Variants in LYRM4 observed in about 807,000 individuals in gnomAD.
The protein encoded by LYRM4 is LYR motif containing 4, also known as LYR motif-containing protein 4.
A neutral mutation model predicts 11.7 loss-of-function variants in LYRM4; 9 were observed. The ratio of observed to expected loss-of-function variants is 0.77; its 90% CI spans 0.46 to 1.34. The LOEUF (loss-of-function observed/expected upper bound fraction) is 1.34. Among genes scored for constraint, LYRM4 ranks in the 40% most tolerant of loss-of-function variants. The pLI is 0.00. For missense variants in LYRM4, 133 were observed against 112.5 expected, an observed-to-expected ratio of 1.18 and a Z score of -0.82; for synonymous variants, 42 against 40.4, an observed-to-expected ratio of 1.04 and a Z score of -0.15.
chr6:5,192,066 A>C (rs1447148849), intron 2 of LYRM4, among the ~76,000 whole-genome samples: 1 of 152,252 alleles, frequency 6.6e-6, no homozygotes, highest in East Asian at 1.9e-4. Context: ...CTGGATTAAA[A>C]AAGTTATAAA....
Position 5,108,833 on chromosome 6 carries a change from C to A in LYRM4, c.*590G>T, listed in dbSNP as rs532367677. 1.3e-5 allele frequency: 13 copies of A among 986,360 alleles called. No individual in the cohort carries two copies. The African/African-American group carries it at 2.3e-4, about 17-fold the overall frequency. 61.1% of individuals were successfully genotyped at this position (986,360 alleles called of 1,614,324 possible). On this transcript the variant is annotated 3_prime_UTR_variant, in exon 3 of 3. Transcript: ENST00000330636. ...ATCTCTGGGTGTGTACCTACACACC[C>A]GTCACCTTTGTTGTACTGGGCTCAG...
intron 2 of LYRM4, among the ~76,000 whole-genome samples, chr6:5,174,211 G>T (rs1184534993): frequency 2.0e-5 from 3 of 152,068 alleles, no homozygotes; most frequent in African/African-American, 7.2e-5. Flanking sequence ...TTCACAATCA[G>T]CTGTTGGTGT....
At chr6:5,174,514 C>T (rs941177294) in intron 2 of LYRM4, among the ~76,000 whole-genome samples, 1 of 152,138 alleles carries the variant, frequency 6.6e-6, no homozygotes, top group African/African-American at 2.4e-5. Context: ...GTACTCAGCG[C>T]GTCGCATCCT....
intron 2 of LYRM4, among the ~76,000 whole-genome samples, chr6:5,118,674 G>C (rs1433846917): frequency 6.6e-6 from 1 of 152,088 alleles, no homozygotes; most frequent in Non-Finnish European, 1.5e-5. Flanking sequence ...TTGTCAAATA[G>C]ACCATTTTTA....
At chr6:5,138,980 C>T (rs1033005794) in intron 2 of LYRM4, among the ~76,000 whole-genome samples, 3 of 152,158 alleles carry the variant, frequency 2.0e-5, no homozygotes, top group Non-Finnish European at 4.4e-5. Context: ...GCACATAAGC[C>T]TAAGAGAATT....
chr6:5,215,572 T>C (rs917427585), intron 2 of LYRM4, among the ~76,000 whole-genome samples: 8 of 152,336 alleles, frequency 5.3e-5, no homozygotes, highest in Non-Finnish European at 1.0e-4. Context: ...TGTTACATTA[T>C]GTAGGCAATA....
At chr6:5,232,386 C>G (rs1763293006) in intron 1 of LYRM4, among the ~76,000 whole-genome samples, 1 of 152,190 alleles carries the variant, frequency 6.6e-6, no homozygotes, top group African/African-American at 2.4e-5. Flanking sequence ...GTGCCAATTT[C>G]TGGACACTTA....
chr6:5,151,100 T>A (rs1400306583), intron 2 of LYRM4, among the ~76,000 whole-genome samples: 4 of 151,152 alleles, frequency 2.6e-5, no homozygotes, highest in African/African-American at 9.7e-5. Context: ...TTTTTTTTTT[T>A]TTGCAACGGA....
chr6:5,204,380 G>A lies in LYRM4; in HGVS notation c.207+12238C>T, dbSNP rs570838171. Among the ~76,000 whole-genome samples the A allele has an allele frequency of 2.6e-5, 4 of 152,264 alleles. No homozygotes were observed. In the South Asian group the frequency reaches 8.3e-4, roughly 32 times the overall value. The stretch of plus-strand genomic sequence containing the variant: ...AAGTAAAGGAGGAGTTTTAGTCTGA[G>A]TGTTTGTTAGTTAAGGATAACAGGA... On this transcript the variant is annotated intron_variant, in intron 2 of 2. Transcript: ENST00000330636.
rs1373926501 is a variant in LYRM4 at position 5,245,163 on chromosome 6, T to TATATATAA, written c.86+15484_86+15485insTTATATAT. Among the ~76,000 whole-genome samples the TATATATAA allele has an allele frequency of 8.1e-4, 53 of 65,234 alleles. 2 individuals are homozygous for TATATATAA. Among genetic ancestry groups the TATATATAA allele is most frequent in the Non-Finnish European group, 1.2e-3 (42 of 34,628 alleles). 42.8% of individuals were successfully genotyped at this position (65,234 alleles called of 152,430 possible). On this transcript the variant is annotated intron_variant, in intron 1 of 2. Coordinates refer to ENST00000330636, the MANE Select transcript of LYRM4 (RefSeq NM_020408.6). ...ATATATATATATATATATATATATATAAAATAGGTGAATTTCTGGAACAAA... is the reference window on the plus strand; with the variant it reads ...ATATATATATATATATATATATATATATATATAAAAAATAGGTGAATTTCTGGAACAAA...
At chr6:5,082,409 T>C in the LYRM4 span, among the ~76,000 whole-genome samples, 1 of 152,148 alleles carries the variant, frequency 6.6e-6, no homozygotes, top group Non-Finnish European at 1.5e-5. Flanking sequence ...CTATTCCTCT[T>C]CTGGGGGTCC....
intron 1 of LYRM4, among the ~76,000 whole-genome samples, chr6:5,234,278 C>A (rs1475503193): frequency 6.6e-6 from 1 of 152,152 alleles, no homozygotes; most frequent in East Asian, 1.9e-4. Context: ...GTGGACAAAA[C>A]AAGGAACTTC....
rs1358624518 is a variant in LYRM4 at position 5,108,637 on chromosome 6, C to G, written c.*786G>C. ...TCTCCAGGTGCTTCTGTCCACCAGCCAGATTTGGGCACCGGTGCTGCCCAG... is the reference window on the plus strand; with the variant it reads ...TCTCCAGGTGCTTCTGTCCACCAGCGAGATTTGGGCACCGGTGCTGCCCAG... On this transcript the variant is annotated 3_prime_UTR_variant, in exon 3 of 3. Coordinates refer to ENST00000330636, the MANE Select transcript of LYRM4 (RefSeq NM_020408.6). The G allele has an allele frequency of 9.1e-6, 4 of 439,316 alleles. No individual in the cohort carries two copies. The highest frequency in any genetic ancestry group is 1.2e-5 in the Non-Finnish European group (4 of 330,550). 27.2% of individuals were successfully genotyped at this position (439,316 alleles called of 1,614,324 possible).
intron 2 of LYRM4, among the ~76,000 whole-genome samples, chr6:5,134,998 A>T (rs867980235): frequency 0.012 from 953 of 81,178 alleles, no homozygotes; most frequent in Middle Eastern, 0.042. Flanking sequence ...GAGGGTGCGG[A>T]TCGCTCCCGG....
At chr6:5,050,555 T>G in the LYRM4 span, among the ~76,000 whole-genome samples, 1 of 152,184 alleles carries the variant, frequency 6.6e-6, no homozygotes, top group Non-Finnish European at 1.5e-5. Flanking sequence ...TTTTCCTTTA[T>G]TACCCTTTTG....
intron 2 of LYRM4, among the ~76,000 whole-genome samples, chr6:5,114,551 CA>C (rs1763034829): frequency 6.6e-6 from 1 of 152,108 alleles, no homozygotes; most frequent in Admixed American, 6.5e-5. Context: ...TGGGGAGGTG[CA>C]ATTAACAGGT....
intron 1 of LYRM4, among the ~76,000 whole-genome samples, chr6:5,252,385 T>G (rs1764475422): frequency 6.6e-6 from 1 of 152,206 alleles, no homozygotes; most frequent in South Asian, 2.1e-4. Flanking sequence ...ACCTATTTCG[T>G]TACTTACTGG....
intron 2 of LYRM4, among the ~76,000 whole-genome samples, chr6:5,118,094 A>ATATATATATTTT: frequency 0.015 from 1,265 of 85,660 alleles, 11 homozygotes; most frequent in East Asian, 0.031. Flanking sequence ...ATATATATAT[A>ATATATATATTTT]TTTTTGTTTT....
intron 2 of LYRM4, among the ~76,000 whole-genome samples, chr6:5,215,845 C>T (rs1185791642): frequency 1.3e-5 from 2 of 152,142 alleles, no homozygotes; most frequent in Non-Finnish European, 2.9e-5. Flanking sequence ...CGAATGGAAG[C>T]AGAAATGGAG....
Sources: gnomAD v4.1 joint callset for allele counts (sites outside exome capture counted in the v4.1 genomes callset) on GRCh38, gnomAD v4.1.1 for gene constraint, MANE v1.5 for transcripts, NCBI Gene and HGNC (gene_info 2026-07-23, HGNC 2026-07-21) for gene names.